GPR171: variants seen among roughly 807,000 people sequenced by gnomAD.
GPR171 encodes F730001G15Rik.
A neutral mutation model predicts 16.7 loss-of-function variants in GPR171; 14 were observed. The observed-to-expected ratio is 0.84, with a 90% CI of 0.55 to 1.31. The LOEUF (loss-of-function observed/expected upper bound fraction) is 1.31. Among genes scored for constraint, GPR171 ranks in the 40% most tolerant of loss-of-function variants. The pLI, the probability that GPR171 is intolerant of heterozygous loss-of-function variation, is 0.00. For missense variants in GPR171, 337 were observed against 378.9 expected, an observed-to-expected ratio of 0.89 and a Z score of 0.92; for synonymous variants, 134 against 135.6, an observed-to-expected ratio of 0.99 and a Z score of 0.08.
chr3:151,201,561 T>C (rs963960417), intron 1 of GPR171, among the ~76,000 whole-genome samples: 12 of 152,220 alleles, frequency 7.9e-5, no homozygotes, highest in Non-Finnish European at 1.5e-4. Flanking sequence ...CACAGCATGT[T>C]CAGGCAGGAC....
At position 151,199,222 on chromosome 3, in the gene GPR171, A is replaced by G; in HGVS notation, c.165T>C (p.Asn55=). 2 of 1,614,152 alleles carry G rather than the reference A, an allele frequency of 1.2e-6. No homozygotes were observed. The highest frequency in any genetic ancestry group is 1.7e-6 in the Non-Finnish European group (2 of 1,179,964). ...TAAGCAGGAAATCGGCTGTAAGCAA[A>G]TTAATTAAGTAGATGCTCACACACC... is the stretch of plus-strand genomic sequence containing the variant. The part of the protein sequence containing the change: ...NHRCVSIYLI[N]LLTADFLLTL... The change falls in exon 3 of 3, where the codon AAT becomes AAC. Residue 55 remains asparagine, a synonymous_variant. Transcript: ENST00000309180.
Position 151,199,256 on chromosome 3 carries a change from G to C in GPR171, c.131C>G (p.Thr44Arg), listed in dbSNP as rs766785001. The change falls in exon 3 of 3, where the codon ACG becomes AGG. Residue 44 changes from threonine to arginine, a missense_variant. Transcript: ENST00000309180. ...FATWAFIQKN[T>R]NHRCVSIYLI... Reference sequence around the variant, plus strand: ...GTAGATGCTCACACACCTGTGATTCGTATTCTTCTGTATAAAAGCCCAGGT... The same window carrying C: ...GTAGATGCTCACACACCTGTGATTCCTATTCTTCTGTATAAAAGCCCAGGT... 3.7e-6 allele frequency: 6 copies of C among 1,613,832 alleles called. No individual in the cohort carries two copies. In the East Asian group the frequency reaches 1.3e-4, roughly 36 times the overall value.
rs1296930927 is a variant in GPR171, at chr3:151,198,691, G to A, written c.696C>T (p.Tyr232=). The part of the protein sequence containing the change: ...LINILLVTTG[Y]IICFVPYHIV... ...TGTGGTAAGGAACAAAGCATATGAT[G>A]TAGCCCGTGGTCACTAAAAGTATGT... is the stretch of plus-strand genomic sequence containing the variant. The change falls in exon 3 of 3, where the codon TAC becomes TAT. Residue 232 remains tyrosine (Y), a synonymous_variant. Coordinates refer to ENST00000309180, the MANE Select transcript of GPR171 (RefSeq NM_013308.4). 1.2e-6 allele frequency: 2 copies of A among 1,614,028 alleles called. No individual in the cohort carries two copies. The highest frequency in any genetic ancestry group is 1.7e-5 in the Admixed American group (1 of 60,016).
In GPR171 at chr3:151,198,367, G is replaced by A; in HGVS notation, c.*60C>T. Reference sequence around the variant, plus strand: ...GTTTTTTTTTTTTTTATCTTTCAAAGCTATAATTAACTTTATGGTCCAGTA... The same window carrying A: ...GTTTTTTTTTTTTTTATCTTTCAAAACTATAATTAACTTTATGGTCCAGTA... On this transcript the variant is annotated 3_prime_UTR_variant, in exon 3 of 3. Coordinates refer to ENST00000309180, the MANE Select transcript of GPR171 (RefSeq NM_013308.4). 3 of 983,292 alleles carry A rather than the reference G, an allele frequency of 3.1e-6. No homozygotes were observed. The highest frequency in any genetic ancestry group is 2.6e-5 in the South Asian group (1 of 37,942). 60.9% of individuals were successfully genotyped at this position (983,292 alleles called of 1,614,324 possible).
At chr3:151,201,930 A>C (rs751865786) in intron 1 of GPR171, among the ~76,000 whole-genome samples, 3 of 152,214 alleles carry the variant, frequency 2.0e-5, no homozygotes, top group Non-Finnish European at 2.9e-5. Context: ...TTGCACAACT[A>C]TAAAATAAGT....
chr3:151,202,568 G>A (rs1263375955), intron 1 of GPR171, among the ~76,000 whole-genome samples: 2 of 152,340 alleles, frequency 1.3e-5, no homozygotes, highest in East Asian at 1.9e-4. Context: ...TACTCGGGAG[G>A]CTGAGGCAGG....
Position 151,199,365 on chromosome 3 carries a change from A to G in GPR171, c.22T>C (p.Cys8Arg). ...GGCTCCAGATCTTTATAAACTGGGC[A>G]GAAGAACGAACTGTTTGTCATCTTG... MTNSSFF[C>R]PVYKDLEPFT... Residue 8 changes from cysteine (C) to arginine (R), a missense_variant, in exon 3 of 3, where the codon TGC becomes CGC. Cys to Arg is a radical substitution (Grantham distance 180). Coordinates refer to ENST00000309180, the MANE Select transcript of GPR171 (RefSeq NM_013308.4). The G allele has an allele frequency of 6.2e-7, 1 of 1,611,218 alleles. No individual in the cohort carries two copies. Among genetic ancestry groups the G allele is most frequent in the Non-Finnish European group, 8.5e-7 (1 of 1,178,960 alleles).
Position 151,198,553 on chromosome 3 carries a change from C to T in GPR171, c.834G>A (p.Leu278=). ...GATAGTACAGGATAGGATCAAAGCA[C>T]AGGTTCGACACAGCCAGGAGCAGTG... ...EATLLLAVSN[L]CFDPILYYHL... The change falls in exon 3 of 3, where the codon CTG becomes CTA. Residue 278 remains leucine, a synonymous_variant. Coordinates refer to ENST00000309180, the MANE Select transcript of GPR171 (RefSeq NM_013308.4). 1.2e-6 allele frequency: 2 copies of T among 1,614,094 alleles called. No homozygotes were observed. The highest frequency in any genetic ancestry group is 1.7e-6 in the Non-Finnish European group (2 of 1,179,996).
chr3:151,201,826 C>T (rs1016678915), intron 1 of GPR171, among the ~76,000 whole-genome samples: 2 of 152,184 alleles, frequency 1.3e-5, no homozygotes, highest in Non-Finnish European at 2.9e-5. Context: ...CTTATTGTTA[C>T]TTTCTAAGGC....
intron 2 of GPR171, among the ~76,000 whole-genome samples, chr3:151,200,230 G>T (rs946733770): frequency 6.6e-6 from 1 of 152,050 alleles, no homozygotes; most frequent in Non-Finnish European, 1.5e-5. Flanking sequence ...CCCAAATCTG[G>T]AACATTGAGC....
chr3:151,201,247 A>T (rs867899298), intron 1 of GPR171, among the ~76,000 whole-genome samples: 23 of 150,502 alleles, frequency 1.5e-4, no homozygotes, highest in Admixed American at 7.9e-4. Flanking sequence ...TCTCTCTCTC[A>T]CACGCACATT....
At position 151,198,760 on chromosome 3, in the gene GPR171, G is replaced by C; in HGVS notation, c.627C>G (p.Asn209Lys). ...NCLVIRQLYRNKDNENYPNVK... is the reference protein window; with the variant it reads ...NCLVIRQLYRKKDNENYPNVK... ...CATTTGGGTAATTTTCATTATCTTT[G>C]TTTCTGTAGAGCTGTCGAATTACAA... Residue 209 changes from asparagine to lysine, a missense_variant, in exon 3 of 3, where the codon AAC (asparagine) becomes AAG (lysine). Physicochemically the swap from Asn to Lys is moderately conservative, Grantham distance 94 (BLOSUM62 0). Coordinates refer to ENST00000309180, the MANE Select transcript of GPR171 (RefSeq NM_013308.4). 6.2e-7 allele frequency: 1 copy of C among 1,613,600 alleles called. No individual in the cohort carries two copies. Among genetic ancestry groups the C allele is most frequent in the East Asian group, 2.2e-5 (1 of 44,878 alleles).
intron 2 of GPR171, among the ~76,000 whole-genome samples, chr3:151,200,470 A>T (rs1725386709): frequency 6.6e-6 from 1 of 152,240 alleles, no homozygotes; most frequent in African/African-American, 2.4e-5. Flanking sequence ...AAAAGAAGCA[A>T]ATATAAGTTA....
intron 2 of GPR171, among the ~76,000 whole-genome samples, chr3:151,199,991 C>CA (rs768550322): frequency 6.6e-6 from 1 of 151,950 alleles, no homozygotes; most frequent in Admixed American, 6.6e-5. Context: ...AAAAAACAAA[C>CA]AAAAAAACCC....
At chr3:151,200,271 G>A (rs964784089) in intron 2 of GPR171, among the ~76,000 whole-genome samples, 5 of 152,094 alleles carry the variant, frequency 3.3e-5, no homozygotes, top group African/African-American at 1.2e-4. Flanking sequence ...AACTGATAGG[G>A]CTCCCTTTGA....
downstream of GPR171, chr3:151,197,764 A>G (rs1451713400): frequency 6.6e-6 from 1 of 152,662 alleles, no homozygotes; most frequent in East Asian, 1.9e-4. Context: ...TATTATTACT[A>G]ACATCAGGAA....
At chr3:151,199,687 G>C (rs1725246542) in intron 2 of GPR171, among the ~76,000 whole-genome samples, 2 of 151,892 alleles carry the variant, frequency 1.3e-5, no homozygotes, top group South Asian at 4.2e-4. Context: ...TTCAACCTCA[G>C]GTTTTTCCAT....
chr3:151,199,943 C>T (rs984463690), intron 2 of GPR171, among the ~76,000 whole-genome samples: 1 of 151,562 alleles, frequency 6.6e-6, no homozygotes, highest in Non-Finnish European at 1.5e-5. Context: ...CCAGCCTGGT[C>T]GCAAGAGTCT....
rs562978727 is a variant in GPR171, at chr3:151,202,171, T to C, written c.-143+933A>G. Among the ~76,000 whole-genome samples, 7 of 152,344 alleles carry C rather than the reference T, an allele frequency of 4.6e-5. No individual in the cohort carries two copies. The South Asian group carries it at 1.4e-3, about 32-fold the overall frequency. ...AGAAACAAATCTGTTTATTTAAAAT[T>C]TTTGCTTATGTAAATTAGAGGTTAA... is the stretch of plus-strand genomic sequence containing the variant. On this transcript the variant is annotated intron_variant, in intron 1 of 2. Coordinates refer to ENST00000309180, the MANE Select transcript of GPR171 (RefSeq NM_013308.4).
Sources: gnomAD v4.1 joint callset for allele counts (sites outside exome capture counted in the v4.1 genomes callset) on GRCh38, gnomAD v4.1.1 for gene constraint, MANE v1.5 for transcripts, NCBI Gene and HGNC (gene_info 2026-07-23, HGNC 2026-07-21) for gene names.